SAP30BP: variants seen among roughly 807,000 people sequenced by gnomAD.
The protein encoded by SAP30BP is SAP30 binding protein, also known as SAP30-binding protein.
A neutral mutation model predicts 46.3 loss-of-function variants in SAP30BP; 31 were observed. The ratio of observed to expected loss-of-function variants is 0.67; its 90% CI spans 0.50 to 0.90. The LOEUF is 0.90. SAP30BP is among the 40% of genes least tolerant of loss of function. The probability of loss-of-function intolerance (pLI) is 0.00; values close to 1 mark genes in which losing one functional copy is unlikely to be tolerated. For missense variants in SAP30BP, 312 were observed against 391.0 expected (o/e 0.80, Z 1.70); for synonymous variants, 169 against 144.2 (o/e 1.17, Z -1.23).
intron 2 of SAP30BP, among the ~76,000 whole-genome samples, chr17:75,669,252 T>A (rs1449345762): frequency 6.8e-6 from 1 of 147,302 alleles, no homozygotes; most frequent in Non-Finnish European, 1.5e-5. Context: ...TAACCTATTA[T>A]TATTTTTTTT....
intron 2 of SAP30BP, among the ~76,000 whole-genome samples, chr17:75,671,275 C>T (rs915673341): frequency 2.0e-5 from 3 of 152,176 alleles, no homozygotes; most frequent in African/African-American, 7.2e-5. Context: ...TTGATGCCTG[C>T]CTTCCTGTGT....
chr17:75,692,139 T>C (rs1172303334), intron 3 of SAP30BP: 4 of 782,784 alleles, frequency 5.1e-6, no homozygotes, highest in Non-Finnish European at 6.2e-6. Flanking sequence ...GTTGAATGAA[T>C]AGCTGCAGTG....
chr17:75,682,676 AT>A (rs1280497318), intron 3 of SAP30BP, among the ~76,000 whole-genome samples: 1 of 152,138 alleles, frequency 6.6e-6, no homozygotes. Flanking sequence ...ATTGTATGGC[AT>A]ATGAGGCTGG....
Position 75,706,510 on chromosome 17 carries a change from G to A in SAP30BP, c.916G>A (p.Ala306Thr). 6.2e-7 allele frequency: 1 copy of A among 1,614,010 alleles called. No individual in the cohort carries two copies. Among genetic ancestry groups the A allele is most frequent in the African/African-American group, 1.3e-5 (1 of 75,050 alleles). ...TGCTGTGGGCACCATTGTGAAGAAG[G>A]CCAAGCAGTGACCTGAGGGGCCACC... ...ISAVGTIVKKAKQ is the reference protein window; with the variant it reads ...ISAVGTIVKKTKQ Residue 306 changes from alanine (A) to threonine (T), a missense_variant, in exon 11 of 11, where the codon GCC becomes ACC. Ala to Thr is a moderately conservative substitution (Grantham distance 58). Around this residue, in one of 2 missense-constraint regions of SAP30BP, gnomAD observed 16 missense variants for 44.4 expected, o/e 0.36. Coordinates refer to ENST00000584667, the MANE Select transcript of SAP30BP (RefSeq NM_013260.8). The surrounding 1 kb of genome is among the most constrained non-coding windows in gnomAD (Gnocchi z 4.6).
chr17:75,681,143 A>G (rs2060069818), intron 3 of SAP30BP, among the ~76,000 whole-genome samples: 1 of 152,202 alleles, frequency 6.6e-6, no homozygotes, highest in African/African-American at 2.4e-5. Context: ...AAAAAATAAT[A>G]TGTGTAAGTG....
chr17:75,699,878 A>T lies in SAP30BP; in HGVS notation c.396+7A>T. Reference sequence around the variant, plus strand: ...ATGTTCAAATCACTTGCAAGTAAGCATGAGACTCGGCTACTGAGGTCGGAT... The same window carrying T: ...ATGTTCAAATCACTTGCAAGTAAGCTTGAGACTCGGCTACTGAGGTCGGAT... On this transcript the variant is annotated splice_region_variant and intron_variant, in intron 5 of 10. Coordinates refer to ENST00000584667, the MANE Select transcript of SAP30BP (RefSeq NM_013260.8). 4 of 1,605,336 alleles carry T rather than the reference A, an allele frequency of 2.5e-6. No homozygotes were observed. The highest frequency in any genetic ancestry group is 3.4e-6 in the Non-Finnish European group (4 of 1,172,240).
At chr17:75,690,509 C>T (rs1372911206) in intron 3 of SAP30BP, among the ~76,000 whole-genome samples, 1 of 152,150 alleles carries the variant, frequency 6.6e-6, no homozygotes, top group Non-Finnish European at 1.5e-5. Context: ...CCTCAGCCTC[C>T]CAAGTAGCTA....
Position 75,706,082 on chromosome 17 carries a change from A to G in SAP30BP, c.735A>G (p.Thr245=), listed in dbSNP as rs1192342213. The change falls in exon 10 of 11, where the codon ACA becomes ACG. Residue 245 remains threonine, a synonymous_variant. Transcript: ENST00000584667. This position sits in a 1 kb window ranked among gnomAD's most constrained non-coding sequence, Gnocchi z 4.6. ...ATSTTTTTAS[T]AVADAQKRKS... ...CCACCACCACTACCACTGCCAGCAC[A>G]GCTGTTGCAGGTAGATTGCAGAGCT... 6.2e-7 allele frequency: 1 copy of G among 1,612,470 alleles called. No individual in the cohort carries two copies. Among genetic ancestry groups the G allele is most frequent in the East Asian group, 2.2e-5 (1 of 44,868 alleles).
At chr17:75,705,084 G>A (rs974314791) in intron 9 of SAP30BP, 5 of 448,284 alleles carry the variant, frequency 1.1e-5, no homozygotes, top group East Asian at 8.6e-5. Context: ...GGCTTTGTCC[G>A]TTTTGGGTCA....
At position 75,705,875 on chromosome 17, in the gene SAP30BP, GGCAGA is replaced by G. The variant is rs2060489012; in HGVS notation, c.661-126_661-122del. The G allele has an allele frequency of 5.3e-6, 7 of 1,332,102 alleles. No homozygotes were observed. The East Asian group carries it at 1.4e-4, about 27-fold the overall frequency. 82.5% of individuals were successfully genotyped at this position (1,332,102 alleles called of 1,614,324 possible). Reference sequence around the variant, plus strand: ...TAGACATCTCGCCCTACCCCAGATGGGCAGAGCAGAGTTCATTTCCAATGCCTCTT... The same window carrying G: ...TAGACATCTCGCCCTACCCCAGATGGGCAGAGTTCATTTCCAATGCCTCTT... On this transcript the variant is annotated intron_variant, in intron 9 of 10. Coordinates refer to ENST00000584667, the MANE Select transcript of SAP30BP (RefSeq NM_013260.8).
chr17:75,674,860 C>G (rs868505274), intron 3 of SAP30BP, among the ~76,000 whole-genome samples: 1 of 151,268 alleles, frequency 6.6e-6, no homozygotes, highest in African/African-American at 2.4e-5. Context: ...TGCATCACAC[C>G]TAGCAATTTT....
intron 4 of SAP30BP, among the ~76,000 whole-genome samples, chr17:75,698,138 G>A (rs2060350306): frequency 6.6e-6 from 1 of 152,262 alleles, no homozygotes; most frequent in Non-Finnish European, 1.5e-5. Context: ...AAGCAGGACT[G>A]CAGTGCCGGG....
intron 3 of SAP30BP, among the ~76,000 whole-genome samples, chr17:75,674,697 GT>G (rs66721865): frequency 5.2e-4 from 32 of 61,548 alleles, no homozygotes; most frequent in South Asian, 3.2e-3. Context: ...TTTGTTTTTT[GT>G]TTTTTTTTTT....
At chr17:75,702,270 C>T (rs1235714841) in intron 5 of SAP30BP, among the ~76,000 whole-genome samples, 2 of 152,112 alleles carry the variant, frequency 1.3e-5, no homozygotes, top group East Asian at 1.9e-4. Flanking sequence ...GTGATCCACC[C>T]GCCTCAGCCT....
chr17:75,698,829 GCTT>G (rs1195732394), intron 4 of SAP30BP, among the ~76,000 whole-genome samples: 3 of 152,210 alleles, frequency 2.0e-5, no homozygotes, highest in African/African-American at 4.8e-5. Context: ...GCGCCTCCCT[GCTT>G]CCCCATCCCC....
At chr17:75,675,878 C>T (rs2148377106) in intron 3 of SAP30BP, among the ~76,000 whole-genome samples, 2 of 152,342 alleles carry the variant, frequency 1.3e-5, no homozygotes, top group South Asian at 4.1e-4. Context: ...GATCTTGTCA[C>T]TGCACTCCAG....
In SAP30BP at chr17:75,668,546, A is replaced by G; in HGVS notation, c.137A>G (p.Tyr46Cys). The change falls in exon 2 of 11, where the codon TAT becomes TGT. Residue 46 changes from tyrosine (Y) to cysteine (C), a missense_variant. Coordinates refer to ENST00000584667, the MANE Select transcript of SAP30BP (RefSeq NM_013260.8). Reference sequence around the variant, plus strand: ...AAAGGCGGATTGGTATCTGATGCCTATGGGGAGGATGACTTTTCTCGTCTA... The same window carrying G: ...AAAGGCGGATTGGTATCTGATGCCTGTGGGGAGGATGACTTTTCTCGTCTA... Reference protein sequence around the residue: ...EEKGGLVSDAYGEDDFSRLGG... With the variant: ...EEKGGLVSDACGEDDFSRLGG... The G allele has an allele frequency of 6.3e-7, 1 of 1,596,004 alleles. No homozygotes were observed. The highest frequency in any genetic ancestry group is 8.5e-7 in the Non-Finnish European group (1 of 1,172,846).
At position 75,703,879 on chromosome 17, in the gene SAP30BP, C is replaced by G. The variant is rs1408651839; in HGVS notation, c.601+20C>G. 2 of 1,582,700 alleles carry G rather than the reference C, an allele frequency of 1.3e-6. No individual in the cohort carries two copies. Among genetic ancestry groups the G allele is most frequent in the Non-Finnish European group, 1.7e-6 (2 of 1,151,294 alleles). On this transcript the variant is annotated intron_variant, in intron 8 of 10. Transcript: ENST00000584667. ...CATTAGGTAGCCTTTCGTCCCTCCTCCCATATACCTTGTCCGCCCACCCGA... is the reference window on the plus strand; with the variant it reads ...CATTAGGTAGCCTTTCGTCCCTCCTGCCATATACCTTGTCCGCCCACCCGA...
intron 2 of SAP30BP, among the ~76,000 whole-genome samples, chr17:75,669,689 CCTT>C (rs2059880692): frequency 6.6e-6 from 1 of 152,204 alleles, no homozygotes; most frequent in Non-Finnish European, 1.5e-5. Flanking sequence ...CCATCCCTGG[CCTT>C]CTTAACTTCT....
Sources: allele counts gnomAD v4.1 joint callset (sites outside exome capture counted in the v4.1 genomes callset), GRCh38; gene constraint gnomAD v4.1.1; regional missense constraint gnomAD v4.1.1; non-coding constraint Gnocchi (gnomAD v3.1); transcripts MANE v1.5; gene names NCBI Gene and HGNC (gene_info 2026-07-23, HGNC 2026-07-21).